The following PGAP1 variants were observed in gnomAD, a reference collection of about 807,000 sequenced individuals.
PGAP1 encodes the protein post-GPI attachment to proteins inositol deacylase 1.
In PGAP1, 76 loss-of-function variants were observed where a neutral mutation model predicts 127.0. The ratio of observed to expected loss-of-function variants is 0.60; its 90% CI spans 0.50 to 0.72. The LOEUF is 0.72. Ranked by LOEUF, PGAP1 falls within the 30% of genes least tolerant of loss-of-function variation. PGAP1 has a pLI of 0.00. For missense variants in PGAP1, 982 were observed against 1,071.3 expected, an observed-to-expected ratio of 0.92 and a Z score of 1.16; for synonymous variants, 362 against 366.5, an observed-to-expected ratio of 0.99 and a Z score of 0.14.
rs373779748 is a variant in PGAP1 at position 196,898,405 on chromosome 2, A to G, written c.808-36T>C. ...AGAAAAAAATAAACTTACGAAAAGC[A>G]CATTTGTTATTCTCTAAAAGGTATG... On this transcript the variant is annotated intron_variant, in intron 5 of 26. Coordinates refer to ENST00000354764, the MANE Select transcript of PGAP1 (RefSeq NM_024989.4). The G allele has an allele frequency of 1.9e-4, 273 of 1,438,758 alleles. 3 individuals are homozygous for G. In the South Asian group the frequency reaches 3.1e-3, roughly 16 times the overall value. 89.1% of individuals were successfully genotyped at this position (1,438,758 alleles called of 1,614,324 possible).
rs542407286 is a variant in PGAP1 at position 196,836,083 on chromosome 2, C to T, written c.*5151G>A. The T allele has an allele frequency of 9.2e-5, 14 of 152,340 alleles. No individual in the cohort carries two copies. In the South Asian group the frequency reaches 2.7e-3, roughly 29 times the overall value. The allele number at this position is 152,340 out of a possible 1,614,324, so 9.4% of individuals were successfully genotyped here. A position where few individuals can be genotyped will look rare whatever the true frequency, so the allele number is the denominator to read the frequency against. On this transcript the variant is annotated 3_prime_UTR_variant, in exon 27 of 27. Transcript: ENST00000354764. ...AAATACGCAAACAAATCTACACTAA[C>T]TAATCAAAACACACCAACAGATACA...
In PGAP1 at chr2:196,886,659, T is replaced by C. The variant is rs910450925; in HGVS notation, c.1174-779A>G. 6.6e-5 allele frequency among the ~76,000 whole-genome samples: 10 copies of C among 152,218 alleles called. No homozygotes were observed. In the East Asian group the frequency reaches 1.9e-3, roughly 29 times the overall value. On this transcript the variant is annotated intron_variant, in intron 10 of 26. Coordinates refer to ENST00000354764, the MANE Select transcript of PGAP1 (RefSeq NM_024989.4). ...AATTAAAAATAATTTATATACTGTG[T>C]TTTACTTTATCGTTTGAGTTTCCAT...
intron 7 of PGAP1, 102 bp from the exon 8 acceptor site, chr2:196,893,347 C>G (rs1377460852): frequency 1.7e-6 from 1 of 605,006 alleles, no homozygotes. Context: ...ATTTATTACT[C>G]TGAGCCAGGC....
chr2:196,924,420 A>G (rs1703305695), intron 1 of PGAP1, among the ~76,000 whole-genome samples: 1 of 152,208 alleles, frequency 6.6e-6, no homozygotes, highest in Non-Finnish European at 1.5e-5. Context: ...GGTTCTCAAC[A>G]GAATGGCCTC....
intron 12 of PGAP1, among the ~76,000 whole-genome samples, chr2:196,882,179 G>A (rs1216036249): frequency 6.6e-6 from 1 of 152,198 alleles, no homozygotes; most frequent in South Asian, 2.1e-4. Context: ...CTTTATTTCT[G>A]GGTTCTCTAT....
At chr2:196,888,363 T>A (rs1381839408) in intron 10 of PGAP1, among the ~76,000 whole-genome samples, 1 of 152,134 alleles carries the variant, frequency 6.6e-6, no homozygotes, top group Non-Finnish European at 1.5e-5. Flanking sequence ...AATATCTTTT[T>A]CTCTAAAAGT....
At chr2:196,849,261 ATTTT>A (rs747641877) in intron 20 of PGAP1, among the ~76,000 whole-genome samples, 41 of 135,990 alleles carry the variant, frequency 3.0e-4, no homozygotes, top group Middle Eastern at 3.8e-3. Context: ...TGTCAGAATA[ATTTT>A]TTTTTTTTTT....
chr2:196,904,345 C>A (rs1056398783), intron 4 of PGAP1, among the ~76,000 whole-genome samples: 1 of 152,136 alleles, frequency 6.6e-6, no homozygotes, highest in Admixed American at 6.5e-5. Context: ...TTGGCCACAA[C>A]TCAAGCTTAG....
At chr2:196,842,253 C>G (rs1457288276) in intron 26 of PGAP1, among the ~76,000 whole-genome samples, 1 of 152,120 alleles carries the variant, frequency 6.6e-6, no homozygotes, top group Non-Finnish European at 1.5e-5. Flanking sequence ...CGGCCTGATT[C>G]TAAAATATCT....
intron 3 of PGAP1, 53 bp downstream of exon 3, chr2:196,916,365 T>A (rs985601694): frequency 2.1e-6 from 3 of 1,432,170 alleles, no homozygotes; most frequent in African/African-American, 1.4e-5. Context: ...ATCCCTTTTT[T>A]AAAAAGGTGC....
chr2:196,855,985 A>T (rs1005657254), intron 20 of PGAP1, among the ~76,000 whole-genome samples: 3 of 152,030 alleles, frequency 2.0e-5, no homozygotes, highest in Non-Finnish European at 4.4e-5. Context: ...TAAAAACCTC[A>T]AGAGGTTTTT....
chr2:196,904,890 C>T (rs1702641635), intron 4 of PGAP1, among the ~76,000 whole-genome samples: 1 of 152,164 alleles, frequency 6.6e-6, no homozygotes, highest in Non-Finnish European at 1.5e-5. Flanking sequence ...GAGCCCAGTG[C>T]AGGGCCTCCT....
intron 13 of PGAP1, among the ~76,000 whole-genome samples, chr2:196,878,232 TA>T (rs745680960): frequency 6.6e-6 from 1 of 152,194 alleles, no homozygotes; most frequent in Non-Finnish European, 1.5e-5. Flanking sequence ...TATTTGCCTA[TA>T]CATAATCACA....
chr2:196,894,478 T>C (rs1487872152), intron 7 of PGAP1, among the ~76,000 whole-genome samples: 1 of 152,190 alleles, frequency 6.6e-6, no homozygotes, highest in African/African-American at 2.4e-5. Context: ...GCCACATCTG[T>C]TTGCAATCAA....
intron 4 of PGAP1, among the ~76,000 whole-genome samples, chr2:196,906,627 A>G (rs1251010477): frequency 2.0e-5 from 1 of 49,722 alleles, no homozygotes; most frequent in Non-Finnish European, 4.3e-5. Context: ...CTGAGAGAAG[A>G]AGGCTTCAGA....
At chr2:196,916,297 T>C in intron 3 of PGAP1, 121 bp downstream of exon 3, 1 of 856,768 alleles carries the variant, frequency 1.2e-6, no homozygotes, top group Non-Finnish European at 1.6e-6. Flanking sequence ...CAAAAAAAAT[T>C]TGTGCCTTCT....
In PGAP1 at chr2:196,883,649, C is replaced by T. The variant is rs139611373; in HGVS notation, c.1272+1775G>A. On this transcript the variant is annotated intron_variant, in intron 12 of 26. Coordinates refer to ENST00000354764, the MANE Select transcript of PGAP1 (RefSeq NM_024989.4). ...TACGTGCTTTGATGGAGGGCTCCAT[C>T]TATTTATTAAAAGTTCAGTCCACAG... Among the ~76,000 whole-genome samples, 344 of 152,282 alleles carry T rather than the reference C, an allele frequency of 2.3e-3. 2 individuals are homozygous for T. The highest frequency in any genetic ancestry group is 7.9e-3 in the African/African-American group (328 of 41,570).
At chr2:196,871,580 T>C (rs879761178) in intron 18 of PGAP1, among the ~76,000 whole-genome samples, 1 of 152,146 alleles carries the variant, frequency 6.6e-6, no homozygotes, top group South Asian at 2.1e-4. Flanking sequence ...AAAACTACTA[T>C]GGCCCTGCAA....
chr2:196,885,456 A>C lies in PGAP1; in HGVS notation c.1240T>G (p.Ser414Ala). 5.0e-6 allele frequency: 8 copies of C among 1,604,002 alleles called. No homozygotes were observed. The highest frequency in any genetic ancestry group is 6.8e-6 in the Non-Finnish European group (8 of 1,174,334). The change falls in exon 12 of 27, where the codon TCA (serine) becomes GCA (alanine). Residue 414 changes from serine to alanine, a missense_variant. By Grantham distance (99) the Ser-to-Ala change is moderately conservative (BLOSUM62 1). Coordinates refer to ENST00000354764, the MANE Select transcript of PGAP1 (RefSeq NM_024989.4). The stretch of plus-strand genomic sequence containing the variant: ...GTTGGCAGCAGTTCAGCTTTCCATG[A>C]TAAATCAACCCCTTGCAGGCTTTGA... ...TSMCLQGVDL[S>A]WKAELLPTIK... is the part of the protein sequence containing the mutation.
Sources: allele counts gnomAD v4.1 joint callset (sites outside exome capture counted in the v4.1 genomes callset), GRCh38; gene constraint gnomAD v4.1.1; transcripts MANE v1.5; gene names NCBI Gene and HGNC (gene_info 2026-07-23, HGNC 2026-07-21).